ARHGAP24: variants seen among roughly 807,000 people sequenced by gnomAD.
ARHGAP24 encodes the protein Rho GTPase activating protein 24, also known as rho GTPase-activating protein 24.
In ARHGAP24, 50 loss-of-function variants were observed where a neutral mutation model predicts 76.4. The observed-to-expected ratio is 0.65, with a 90% CI of 0.52 to 0.83. The LOEUF (loss-of-function observed/expected upper bound fraction) is 0.83, where lower values mean the gene tolerates loss of function less well. ARHGAP24 is among the 40% of genes least tolerant of loss of function. ARHGAP24 has a pLI of 0.00. For synonymous variants in ARHGAP24, 345 were observed against 323.3 expected (o/e 1.07, Z -0.72); for missense variants, 930 against 914.2 (o/e 1.02, Z -0.22).
intron 3 of ARHGAP24, among the ~76,000 whole-genome samples, chr4:85,888,536 C>CTTTG (rs778965168): frequency 7.3e-5 from 11 of 151,320 alleles, no homozygotes; most frequent in East Asian, 5.8e-4. Flanking sequence ...AAAGTTTAAA[C>CTTTG]TCTGTTTGTT....
chr4:85,755,243 ATGGG>A, intron 3 of ARHGAP24, among the ~76,000 whole-genome samples: 1 of 152,228 alleles, frequency 6.6e-6, no homozygotes, highest in African/African-American at 2.4e-5. Context: ...CAGTGTACTT[ATGGG>A]GACAATTCTC....
At chr4:85,851,242 A>G (rs345335) in intron 3 of ARHGAP24, among the ~76,000 whole-genome samples, 127,241 of 152,182 alleles carry the variant, frequency 0.84, 55,526 homozygotes, top group Non-Finnish European at 0.97. Context: ...TTGGTTTAAA[A>G]TCTGTTTTAT....
chr4:85,910,501 G>A (rs1489736929), intron 3 of ARHGAP24, among the ~76,000 whole-genome samples: 2 of 152,144 alleles, frequency 1.3e-5, no homozygotes, highest in Non-Finnish European at 2.9e-5. Context: ...CACAGTCAGG[G>A]TGTCCCAACG....
chr4:85,567,971 A>G (rs888033354), intron 1 of ARHGAP24, among the ~76,000 whole-genome samples: 1 of 152,218 alleles, frequency 6.6e-6, no homozygotes, highest in Admixed American at 6.5e-5. Context: ...TTTCCGATGC[A>G]TTCTGAAATC....
Position 85,523,581 on chromosome 4 carries a change from T to C in ARHGAP24, c.-20-46941T>C, listed in dbSNP as rs149703565. Among the ~76,000 whole-genome samples, 1,184 of 152,304 alleles carry C rather than the reference T, an allele frequency of 7.8e-3. 11 individuals are homozygous for C. The highest frequency in any genetic ancestry group is 0.019 in the African/African-American group (809 of 41,574). On this transcript the variant is annotated intron_variant, in intron 1 of 9. Transcript: ENST00000395184. ...GACTTTTCCTAATAACTCTCAACTT[T>C]AGTTATTCCTTTCCTTTCTTTAACT...
At chr4:85,601,986 T>C (rs1277764863) in intron 2 of ARHGAP24, among the ~76,000 whole-genome samples, 1 of 152,128 alleles carries the variant, frequency 6.6e-6, no homozygotes, top group Non-Finnish European at 1.5e-5. Flanking sequence ...GCAGAACTAT[T>C]ACTTGCATAG....
chr4:85,796,440 T>TCTAGTTACAAAAACTCAACTCAAGCCAA (rs1278621456), intron 3 of ARHGAP24, among the ~76,000 whole-genome samples: 3 of 152,288 alleles, frequency 2.0e-5, no homozygotes, highest in Non-Finnish European at 4.4e-5. Flanking sequence ...CTTTTCTAGT[T>TCTAGTTACAAAAACTCAACTCAAGCCAA]CTAGTTACAA....
At chr4:85,781,631 T>C (rs1264732010) in intron 3 of ARHGAP24, among the ~76,000 whole-genome samples, 1 of 147,970 alleles carries the variant, frequency 6.8e-6, no homozygotes, top group African/African-American at 2.5e-5. Context: ...TGTTAAAGCA[T>C]CAGATGGTGT....
chr4:85,922,853 A>G (rs1244607676), intron 3 of ARHGAP24, among the ~76,000 whole-genome samples: 1 of 152,182 alleles, frequency 6.6e-6, no homozygotes, highest in Admixed American at 6.5e-5. Flanking sequence ...CATGCTTTGG[A>G]AGTCTAGCAC....
chr4:85,765,476 G>A (rs192953641), intron 3 of ARHGAP24, among the ~76,000 whole-genome samples: 183 of 152,040 alleles, frequency 1.2e-3, no homozygotes, highest in African/African-American at 4.2e-3. Context: ...AGATTTTGGG[G>A]GTGATATGGA....
At chr4:85,969,447 CTG>C (rs778655610) in intron 5 of ARHGAP24, among the ~76,000 whole-genome samples, 3 of 151,856 alleles carry the variant, frequency 2.0e-5, no homozygotes, top group Non-Finnish European at 4.4e-5. Context: ...ATAACATACT[CTG>C]TATATTGAAA....
At chr4:85,511,744 C>T (rs909055919) in intron 1 of ARHGAP24, among the ~76,000 whole-genome samples, 8 of 152,144 alleles carry the variant, frequency 5.3e-5, no homozygotes, top group African/African-American at 1.9e-4. Flanking sequence ...GGATTACAGG[C>T]GTGAGCCAAC....
chr4:85,741,989 T>A (rs757535885), intron 3 of ARHGAP24, among the ~76,000 whole-genome samples: 5 of 152,128 alleles, frequency 3.3e-5, no homozygotes, highest in Non-Finnish European at 5.9e-5. Context: ...AAAGTGACAG[T>A]GATTGAAAGT....
chr4:85,923,850 T>G (rs1330209575), intron 4 of ARHGAP24, 80 bp downstream of exon 4: 1 of 1,593,382 alleles, frequency 6.3e-7, no homozygotes, highest in African/African-American at 1.3e-5. Flanking sequence ...AATGTTACTA[T>G]TAGCTCCTGT....
intron 2 of ARHGAP24, among the ~76,000 whole-genome samples, chr4:85,605,706 A>G (rs1336772688): frequency 6.6e-6 from 1 of 152,216 alleles, no homozygotes; most frequent in Non-Finnish European, 1.5e-5. Flanking sequence ...TATCGTGGAA[A>G]TGAAGATATA....
At chr4:85,550,539 G>A (rs1300372277) in intron 1 of ARHGAP24, among the ~76,000 whole-genome samples, 1 of 151,996 alleles carries the variant, frequency 6.6e-6, no homozygotes, top group Non-Finnish European at 1.5e-5. Flanking sequence ...CTCTTATTTG[G>A]TTCAACTTGA....
rs72982063 is a variant in ARHGAP24 at position 85,617,831 on chromosome 4, T to A, written c.180+47110T>A. Among the ~76,000 whole-genome samples, 584 of 152,298 alleles carry A rather than the reference T, an allele frequency of 3.8e-3. 3 individuals carry two copies. The highest frequency in any genetic ancestry group is 0.013 in the African/African-American group (558 of 41,576). ...CTGGCAATGTATAAGAGTATCTTTT[T>A]TGCTTCCAGCTTTATTGATGTATAG... On this transcript the variant is annotated intron_variant, in intron 2 of 9. Transcript: ENST00000395184.
intron 3 of ARHGAP24, among the ~76,000 whole-genome samples, chr4:85,788,082 A>G (rs956333251): frequency 2.6e-5 from 4 of 152,176 alleles, no homozygotes; most frequent in Non-Finnish European, 4.4e-5. Flanking sequence ...AAACGTAGCC[A>G]CAGGGTCTGT....
chr4:85,703,339 A>C (rs1724171380), intron 2 of ARHGAP24, among the ~76,000 whole-genome samples: 1 of 152,150 alleles, frequency 6.6e-6, no homozygotes, highest in Non-Finnish European at 1.5e-5. Context: ...AGATGAGATG[A>C]CAGATGGTCC....
Sources: gnomAD v4.1 joint callset for allele counts (sites outside exome capture counted in the v4.1 genomes callset) on GRCh38, gnomAD v4.1.1 for gene constraint, MANE v1.5 for transcripts, NCBI Gene and HGNC (gene_info 2026-07-23, HGNC 2026-07-21) for gene names.